Variants in ASTN2 observed in about 807,000 individuals in gnomAD.
The protein encoded by ASTN2 is astrotactin 2, also known as astrotactin-2.
Under a neutral mutation model 139.8 loss-of-function variants are expected in ASTN2, and 54 were observed. That is an observed-to-expected ratio of 0.39 (90% confidence interval 0.31 to 0.48). The LOEUF is 0.48. Among genes scored for constraint, ASTN2 ranks in the 20% least tolerant of loss-of-function variants. ASTN2 has a pLI of 0.95. For synonymous variants in ASTN2, 756 were observed against 719.5 expected, an observed-to-expected ratio of 1.05 and a Z score of -0.81; for missense variants, 1,565 against 1,725.1, an observed-to-expected ratio of 0.91 and a Z score of 1.64.
At chr9:117,099,352 C>A (rs1254610348) in intron 4 of ASTN2, among the ~76,000 whole-genome samples, 2 of 152,126 alleles carry the variant, frequency 1.3e-5, no homozygotes, top group Non-Finnish European at 2.9e-5. Context: ...CAGCAAAATT[C>A]TCACTCCCTT....
At chr9:117,220,421 A>C (rs1431010243) in intron 2 of ASTN2, among the ~76,000 whole-genome samples, 1 of 151,852 alleles carries the variant, frequency 6.6e-6, no homozygotes, top group African/African-American at 2.4e-5. Context: ...CCTCTCACTC[A>C]CTCGACCTGG....
At chr9:117,310,976 GC>G (rs1185083348) in intron 1 of ASTN2, among the ~76,000 whole-genome samples, 1 of 152,062 alleles carries the variant, frequency 6.6e-6, no homozygotes, top group Middle Eastern at 3.2e-3. Flanking sequence ...AACCCCAGTT[GC>G]CCACAGCAGT....
At chr9:116,991,501 T>C (rs1361733401) in intron 7 of ASTN2, among the ~76,000 whole-genome samples, 1 of 151,860 alleles carries the variant, frequency 6.6e-6, no homozygotes, top group Non-Finnish European at 1.5e-5. Flanking sequence ...TGAACACATA[T>C]CTTTTCCATA....
chr9:117,077,043 G>T (rs1163452202), intron 5 of ASTN2, among the ~76,000 whole-genome samples: 2 of 152,042 alleles, frequency 1.3e-5, no homozygotes, highest in South Asian at 4.1e-4. Context: ...CTAATCGCCC[G>T]GCTGTTGCCC....
chr9:117,060,784 A>G (rs1292925593), intron 5 of ASTN2, among the ~76,000 whole-genome samples: 1 of 151,916 alleles, frequency 6.6e-6, no homozygotes, highest in Non-Finnish European at 1.5e-5. Context: ...AGTCCCAGCT[A>G]CTCGGGAGGC....
intron 19 of ASTN2, among the ~76,000 whole-genome samples, chr9:116,589,434 T>C (rs1375170140): frequency 6.6e-6 from 1 of 152,210 alleles, no homozygotes; most frequent in Non-Finnish European, 1.5e-5. Flanking sequence ...CTTTGGATTG[T>C]AAAAGAATTC....
At chr9:117,295,669 C>A (rs944408061) in intron 1 of ASTN2, among the ~76,000 whole-genome samples, 3 of 151,546 alleles carry the variant, frequency 2.0e-5, no homozygotes, top group Non-Finnish European at 2.9e-5. Context: ...CAGTAACACA[C>A]TTACTTGCAC....
chr9:117,293,710 G>A (rs1834654367), intron 1 of ASTN2, among the ~76,000 whole-genome samples: 2 of 152,224 alleles, frequency 1.3e-5, no homozygotes, highest in Admixed American at 1.3e-4. Context: ...GGCCTTGGCA[G>A]TAGCTTCTCT....
At chr9:117,105,485 T>G (rs1829080408) in intron 4 of ASTN2, among the ~76,000 whole-genome samples, 1 of 152,126 alleles carries the variant, frequency 6.6e-6, no homozygotes, top group South Asian at 2.1e-4. Context: ...TACCCGTGGA[T>G]GTTTTGAGTT....
chr9:117,314,385 G>A (rs537585378), intron 1 of ASTN2, among the ~76,000 whole-genome samples: 13 of 152,092 alleles, frequency 8.5e-5, no homozygotes, highest in African/African-American at 2.9e-4. Flanking sequence ...GAACACTTCC[G>A]AAAGCAAGTT....
intron 2 of ASTN2, among the ~76,000 whole-genome samples, chr9:117,285,282 C>CT (rs57546484): frequency 0.045 from 5,859 of 130,000 alleles, 140 homozygotes; most frequent in African/African-American, 0.066. Context: ...TTGTAAAAAG[C>CT]TTTTTTTTTT....
At chr9:116,887,127 A>C (rs1332921664) in intron 10 of ASTN2, among the ~76,000 whole-genome samples, 1 of 152,212 alleles carries the variant, frequency 6.6e-6, no homozygotes, top group Non-Finnish European at 1.5e-5. Flanking sequence ...TAGGGACATT[A>C]TGCCTATTTC....
chr9:117,008,007 T>C (rs755193729), intron 7 of ASTN2, 85 bp downstream of exon 7: 6 of 1,393,538 alleles, frequency 4.3e-6, no homozygotes, highest in Non-Finnish European at 5.7e-6. Flanking sequence ...TCAGAATCCA[T>C]GGTTCTTTAG....
intron 10 of ASTN2, among the ~76,000 whole-genome samples, chr9:116,970,685 C>A (rs1008596295): frequency 4.6e-5 from 7 of 152,198 alleles, no homozygotes; most frequent in African/African-American, 1.4e-4. Flanking sequence ...ATTCCTAATT[C>A]TATTCAGAAC....
At chr9:116,964,351 C>A (rs553474453) in intron 10 of ASTN2, among the ~76,000 whole-genome samples, 26 of 151,756 alleles carry the variant, frequency 1.7e-4, no homozygotes, top group African/African-American at 6.1e-4. Flanking sequence ...TCAGCTGCAA[C>A]GAGTGGGCCT....
chr9:117,375,238 A>G (rs910355500), intron 1 of ASTN2, among the ~76,000 whole-genome samples: 2 of 152,228 alleles, frequency 1.3e-5, no homozygotes, highest in Non-Finnish European at 1.5e-5. Flanking sequence ...TGCATGGTAT[A>G]TTCATTTAAC....
intron 2 of ASTN2, among the ~76,000 whole-genome samples, chr9:117,262,397 T>TTTATTTATTTA (rs1554713361): frequency 2.4e-5 from 3 of 123,514 alleles, no homozygotes; most frequent in African/African-American, 8.1e-5. Flanking sequence ...CTGTTTCTTT[T>TTTATTTATTTA]TTTATTTATT....
intron 10 of ASTN2, among the ~76,000 whole-genome samples, chr9:116,896,903 T>C (rs1049065287): frequency 1.3e-4 from 20 of 152,238 alleles, no homozygotes; most frequent in African/African-American, 4.6e-4. Flanking sequence ...GAGATTTGCG[T>C]GGGGACACAG....
intron 4 of ASTN2, among the ~76,000 whole-genome samples, chr9:117,115,917 C>T (rs900297858): frequency 6.6e-6 from 1 of 151,574 alleles, no homozygotes; most frequent in Non-Finnish European, 1.5e-5. Flanking sequence ...CCCAGCTACT[C>T]GGCAGGCTGA....
Sources: allele counts gnomAD v4.1 joint callset (sites outside exome capture counted in the v4.1 genomes callset), GRCh38; gene constraint gnomAD v4.1.1; transcripts MANE v1.5; gene names NCBI Gene and HGNC (gene_info 2026-07-23, HGNC 2026-07-21).